The following IDH1 variants were observed in gnomAD, a reference collection of about 807,000 sequenced individuals.
IDH1 encodes isocitrate dehydrogenase [NADP] cytoplasmic.
In IDH1, 33 loss-of-function variants were observed where a neutral mutation model predicts 46.1. The ratio of observed to expected loss-of-function variants is 0.72; its 90% confidence interval spans 0.54 to 0.96. The LOEUF is 0.96. IDH1 is among the 40% of genes least tolerant of loss of function. The pLI, the probability that IDH1 is intolerant of heterozygous loss-of-function variation, is 0.00. For synonymous variants in IDH1, 144 were observed against 172.8 expected (o/e 0.83, Z 1.31); for missense variants, 421 against 515.7 (o/e 0.82, Z 1.78).
intron 7 of IDH1, among the ~76,000 whole-genome samples, chr2:208,240,483 C>T (rs962221027): frequency 3.3e-5 from 5 of 152,074 alleles, no homozygotes; most frequent in African/African-American, 1.2e-4. Flanking sequence ...ATGTGCAATG[C>T]TCTGCTGTTC....
intron 2 of IDH1, among the ~76,000 whole-genome samples, chr2:208,251,980 CACA>C (rs771744772): frequency 1.1e-4 from 16 of 152,238 alleles, no homozygotes; most frequent in African/African-American, 2.9e-4. Context: ...AGATTATTTC[CACA>C]ATCTCATGTT....
chr2:208,253,584 T>C (rs779617885), intron 2 of IDH1, among the ~76,000 whole-genome samples: 3 of 152,192 alleles, frequency 2.0e-5, no homozygotes, highest in Non-Finnish European at 4.4e-5. Flanking sequence ...AAACCTGGAA[T>C]AACAATACAG....
intron 4 of IDH1, 175 bp downstream of exon 4, chr2:208,248,194 G>T: frequency 1.6e-6 from 1 of 617,242 alleles, no homozygotes; most frequent in Non-Finnish European, 2.8e-6. Context: ...ATTTGTATTT[G>T]CCTTTAGCTA....
At position 208,241,389 on chromosome 2, in the gene IDH1, ATTTTTTTT is replaced by A. The variant is rs35384132; in HGVS notation, c.850+597_850+604del. ...ATAGGCATGCGACCACACCTGGCTA[ATTTTTTTT>A]TTTTTTTTTTTTTGAAGTAGAGATG... is the stretch of plus-strand genomic sequence containing the variant. On this transcript the variant is annotated intron_variant, in intron 7 of 9. Transcript: ENST00000345146. Among the ~76,000 whole-genome samples the A allele has an allele frequency of 1.5e-3, 179 of 119,940 alleles. 1 individual carries two copies. The East Asian group carries it at 0.028, about 19-fold the overall frequency. 78.7% of individuals were successfully genotyped at this position (119,940 alleles called of 152,430 possible). A position where few individuals can be genotyped will look rare whatever the true frequency, so the allele number is the denominator to read the frequency against.
rs76508937 is a variant in IDH1 at position 208,254,761 on chromosome 2, C to T, written c.-91+178G>A. 1.3e-3 allele frequency among the ~76,000 whole-genome samples: 194 copies of T among 152,296 alleles called. 4 individuals are homozygous for T. In the East Asian group the frequency reaches 0.036, roughly 28 times the overall value. On this transcript the variant is annotated intron_variant, in intron 1 of 9. Transcript: ENST00000345146. ...TCCAAGCATCCAGCATCCCCTCCTTCCCTTTTCTTTTCCCATTCTCAATAC... is the reference window on the plus strand; with the variant it reads ...TCCAAGCATCCAGCATCCCCTCCTTTCCTTTTCTTTTCCCATTCTCAATAC...
chr2:208,245,018 T>G (rs1420821790), intron 5 of IDH1, among the ~76,000 whole-genome samples: 13 of 152,224 alleles, frequency 8.5e-5, no homozygotes, highest in Admixed American at 8.5e-4. Flanking sequence ...TGTATATAAT[T>G]CATGCACAGC....
At position 208,236,785 on chromosome 2, in the gene IDH1, T is replaced by A. The variant is rs564140008; in HGVS notation, c.*294A>T. 9 of 392,712 alleles carry A rather than the reference T, an allele frequency of 2.3e-5. No homozygotes were observed. Among genetic ancestry groups the A allele is most frequent in the East Asian group, 1.7e-4 (4 of 23,392 alleles). 24.3% of individuals were successfully genotyped at this position (392,712 alleles called of 1,614,324 possible). On this transcript the variant is annotated 3_prime_UTR_variant, in exon 10 of 10. Transcript: ENST00000345146. Reference sequence around the variant, plus strand: ...GAGCAATCTTGATTTTGGTCATTTATAATTAGAACATGAGAAAAAGTGACA... The same window carrying A: ...GAGCAATCTTGATTTTGGTCATTTAAAATTAGAACATGAGAAAAAGTGACA...
chr2:208,239,280 A>G, intron 8 of IDH1, 47 bp from the exon 9 acceptor site: 1 of 1,597,590 alleles, frequency 6.3e-7, no homozygotes, highest in East Asian at 2.2e-5. Flanking sequence ...TCCTAGTTAT[A>G]GAGGTTTCCA....
At chr2:208,244,034 T>C (rs10202116) in intron 5 of IDH1, among the ~76,000 whole-genome samples, 140,346 of 152,312 alleles carry the variant, frequency 0.92, 64,872 homozygotes, top group East Asian at 0.99. Context: ...TGGGAGGAGA[T>C]TGGAACATGG....
intron 7 of IDH1, among the ~76,000 whole-genome samples, chr2:208,241,094 C>T (rs1687909424): frequency 6.6e-6 from 1 of 152,180 alleles, no homozygotes; most frequent in Admixed American, 6.5e-5. Context: ...GCTGAGGAAA[C>T]CAGGCGCTGT....
intron 5 of IDH1, 48 bp downstream of exon 5, chr2:208,245,271 A>C: frequency 1.1e-6 from 1 of 929,672 alleles, no homozygotes; most frequent in Non-Finnish European, 1.8e-6. Flanking sequence ...ATATTATCTA[A>C]ATCATTTGTT....
rs2124868138 is a variant in IDH1, at chr2:208,251,477, C to A, written c.75G>T (p.Leu25Phe). Residue 25 changes from leucine (L) to phenylalanine (F), a missense_variant, in exon 3 of 10, where the codon TTG (leucine) becomes TTT (phenylalanine). Transcript: ENST00000345146. ...GDEMTRIIWELIKEKLIFPYV... is the reference protein window; with the variant it reads ...GDEMTRIIWEFIKEKLIFPYV... ...AGGGAAAAATGAGTTTCTCTTTAATCAATTCCCAAATGATTCGTGTCATTT... is the reference window on the plus strand; with the variant it reads ...AGGGAAAAATGAGTTTCTCTTTAATAAATTCCCAAATGATTCGTGTCATTT... 6.2e-7 allele frequency: 1 copy of A among 1,613,658 alleles called. No individual in the cohort carries two copies. The highest frequency in any genetic ancestry group is 2.2e-5 in the East Asian group (1 of 44,864).
At chr2:208,249,619 C>G (rs1394454295) in intron 3 of IDH1, among the ~76,000 whole-genome samples, 1 of 152,166 alleles carries the variant, frequency 6.6e-6, no homozygotes, top group African/African-American at 2.4e-5. Flanking sequence ...TTATTCTGTT[C>G]TCCAAGGATT....
At chr2:208,238,561 G>A (rs1312038573) in intron 9 of IDH1, among the ~76,000 whole-genome samples, 1 of 152,334 alleles carries the variant, frequency 6.6e-6, no homozygotes, top group African/African-American at 2.4e-5. Context: ...TTAAGGGACT[G>A]TAATCAATTG....
At chr2:208,250,767 G>A (rs1024903209) in intron 3 of IDH1, among the ~76,000 whole-genome samples, 4 of 152,170 alleles carry the variant, frequency 2.6e-5, no homozygotes, top group African/African-American at 9.7e-5. Context: ...TGGAAAGGAG[G>A]GGTTCAACTA....
In IDH1 at chr2:208,239,064, T is replaced by C; in HGVS notation, c.1154+7A>G. 6.2e-7 allele frequency: 1 copy of C among 1,613,484 alleles called. No homozygotes were observed. Among genetic ancestry groups the C allele is most frequent in the South Asian group, 1.1e-5 (1 of 91,064 alleles). The stretch of plus-strand genomic sequence containing the variant: ...TGACCATAGAAACTAGGGCATCTTA[T>C]ACTTACTTGGGTAAACCTTTAATGC... On this transcript the variant is annotated splice_region_variant and intron_variant, in intron 9 of 9. Coordinates refer to ENST00000345146, the MANE Select transcript of IDH1 (RefSeq NM_005896.4).
chr2:208,241,711 G>A (rs1034933821), intron 7 of IDH1, among the ~76,000 whole-genome samples: 2 of 152,236 alleles, frequency 1.3e-5, no homozygotes, highest in Non-Finnish European at 2.9e-5. Flanking sequence ...AAAGGACAAG[G>A]AGGGCAGGGA....
At chr2:208,248,087 G>T in intron 4 of IDH1, 1 of 450,814 alleles carries the variant, frequency 2.2e-6, no homozygotes, top group Non-Finnish European at 4.0e-6. Context: ...ACATAAAAAT[G>T]GCAATATCAT....
chr2:208,246,825 C>T (rs1688031632), intron 4 of IDH1, among the ~76,000 whole-genome samples: 1 of 152,074 alleles, frequency 6.6e-6, no homozygotes, highest in Non-Finnish European at 1.5e-5. Flanking sequence ...TGCCTGTAAT[C>T]CCAGCTACTC....
Sources: gnomAD v4.1 joint callset for allele counts (sites outside exome capture counted in the v4.1 genomes callset) on GRCh38, gnomAD v4.1.1 for gene constraint, MANE v1.5 for transcripts, NCBI Gene and HGNC (gene_info 2026-07-23, HGNC 2026-07-21) for gene names.